PAN3: variants seen among roughly 807,000 people sequenced by gnomAD.
PAN3 encodes poly(A) specific ribonuclease subunit PAN3, also known as PAN2-PAN3 deadenylation complex subunit PAN3.
In PAN3, 19 loss-of-function variants were observed where a neutral mutation model predicts 96.2. That is an observed-to-expected ratio of 0.20 (90% CI 0.14 to 0.29). The LOEUF (loss-of-function observed/expected upper bound fraction) is 0.29, where lower values mean the gene tolerates loss of function less well. PAN3 is among the 10% of genes least tolerant of loss of function. The probability of loss-of-function intolerance (pLI) is 1.00; values close to 1 mark genes in which losing one functional copy is unlikely to be tolerated. For missense variants in PAN3, 882 were observed against 1,108.1 expected (o/e 0.80, Z 2.90); for synonymous variants, 433 against 406.6 (o/e 1.06, Z -0.78).
At chr13:28,143,557 C>T (rs1428799917) in intron 1 of PAN3, among the ~76,000 whole-genome samples, 3 of 152,200 alleles carry the variant, frequency 2.0e-5, no homozygotes, top group East Asian at 1.9e-4. Flanking sequence ...AGAATCCTGG[C>T]TCTTTGACTA....
chr13:28,192,477 A>G (rs377632078), intron 4 of PAN3, among the ~76,000 whole-genome samples: 2 of 152,204 alleles, frequency 1.3e-5, no homozygotes, highest in African/African-American at 4.8e-5. Flanking sequence ...TCATGTCTGT[A>G]TACATAGTTT....
At chr13:28,245,252 T>TA (rs1333909430) in intron 6 of PAN3, among the ~76,000 whole-genome samples, 1 of 152,256 alleles carries the variant, frequency 6.6e-6, no homozygotes, top group African/African-American at 2.4e-5. Context: ...AATGAGTGTT[T>TA]ATTCCCCTTT....
chr13:28,239,950 C>G (rs1883493751), intron 6 of PAN3: 1 of 170,502 alleles, frequency 5.9e-6, no homozygotes, highest in Non-Finnish European at 1.3e-5. Context: ...ACTTATGAAT[C>G]CAAGTTTCTT....
intron 5 of PAN3, among the ~76,000 whole-genome samples, chr13:28,202,703 T>C (rs1026786117): frequency 2.0e-5 from 3 of 152,062 alleles, no homozygotes; most frequent in Admixed American, 6.6e-5. Context: ...ACTTTACTAT[T>C]CCTAGTGTAT....
rs77620405 is a variant in PAN3, at chr13:28,241,967, C to T, written c.1001-14325C>T. 9.8e-3 allele frequency among the ~76,000 whole-genome samples: 1,491 copies of T among 151,468 alleles called. 18 individuals are homozygous for T. Among genetic ancestry groups the T allele is most frequent in the African/African-American group, 0.035 (1,425 of 40,842 alleles). On this transcript the variant is annotated intron_variant, in intron 6 of 18. Coordinates refer to ENST00000380958, the MANE Select transcript of PAN3 (RefSeq NM_175854.8). ...TTATCTTCAATGTAGTTAGACATGA[C>T]AATTTATTATTGAGGATTTAGTTTG...
At chr13:28,251,004 A>C (rs1181380491) in intron 6 of PAN3, among the ~76,000 whole-genome samples, 1 of 151,422 alleles carries the variant, frequency 6.6e-6, no homozygotes, top group Non-Finnish European at 1.5e-5. Flanking sequence ...ATTTCCTCAG[A>C]TCTTTATTTA....
intron 1 of PAN3, among the ~76,000 whole-genome samples, chr13:28,160,481 A>G (rs535239840): frequency 6.6e-6 from 1 of 152,262 alleles, no homozygotes; most frequent in Non-Finnish European, 1.5e-5. Flanking sequence ...GTTTTAAAGT[A>G]CTTGTCACAT....
At chr13:28,167,855 C>A (rs1364206010) in intron 1 of PAN3, among the ~76,000 whole-genome samples, 1 of 151,966 alleles carries the variant, frequency 6.6e-6, no homozygotes, top group East Asian at 1.9e-4. Context: ...ACAAAACAAA[C>A]AAACAAATCT....
In PAN3 at chr13:28,147,078, C is replaced by G. The variant is rs140002744; in HGVS notation, c.430+7991C>G. ...CGTCATACATTTGGTTTGTTATCGA[C>G]CAAAACATTGTTACCAACAAATCAA... On this transcript the variant is annotated intron_variant, in intron 1 of 18. Coordinates refer to ENST00000380958, the MANE Select transcript of PAN3 (RefSeq NM_175854.8). Among the ~76,000 whole-genome samples the G allele has an allele frequency of 6.8e-3, 1,039 of 152,264 alleles. 11 individuals are homozygous for G. The highest frequency in any genetic ancestry group is 0.024 in the African/African-American group (1,003 of 41,562).
chr13:28,288,155 T>G, intron 18 of PAN3, 33 bp downstream of exon 18: 2 of 1,554,448 alleles, frequency 1.3e-6, no homozygotes, highest in Non-Finnish European at 1.7e-6. Flanking sequence ...AAGATCATAA[T>G]TCTGCCTATA....
At chr13:28,190,194 G>A (rs1383083001) in intron 4 of PAN3, among the ~76,000 whole-genome samples, 1 of 152,060 alleles carries the variant, frequency 6.6e-6, no homozygotes, top group Admixed American at 6.5e-5. Flanking sequence ...ATCCGCCCGC[G>A]TCGGCCTCCC....
At chr13:28,213,499 A>T (rs890942159) in intron 5 of PAN3, among the ~76,000 whole-genome samples, 1 of 152,172 alleles carries the variant, frequency 6.6e-6, no homozygotes, top group East Asian at 1.9e-4. Context: ...GCAAAAATGC[A>T]GTCAAATTGA....
chr13:28,173,833 C>A (rs1414190970), intron 1 of PAN3, among the ~76,000 whole-genome samples: 1 of 152,082 alleles, frequency 6.6e-6, no homozygotes, highest in Non-Finnish European at 1.5e-5. Context: ...TTTTTTTCCC[C>A]CTGAATTTTG....
chr13:28,161,553 A>G (rs552136935), intron 1 of PAN3, among the ~76,000 whole-genome samples: 98 of 152,288 alleles, frequency 6.4e-4, no homozygotes, highest in African/African-American at 2.3e-3. Flanking sequence ...ATTCCAAGGT[A>G]CAGGGGATTA....
chr13:28,262,934 TTAG>T (rs1885856721), intron 9 of PAN3, among the ~76,000 whole-genome samples: 1 of 152,188 alleles, frequency 6.6e-6, no homozygotes, highest in Admixed American at 6.5e-5. Flanking sequence ...ATACTGTAGA[TTAG>T]TAGAGGTTAC....
chr13:28,182,313 A>G (rs764955711), intron 4 of PAN3, among the ~76,000 whole-genome samples: 1 of 152,160 alleles, frequency 6.6e-6, no homozygotes, highest in Non-Finnish European at 1.5e-5. Context: ...CTCCTTTTAT[A>G]TCTTTCTGGG....
At chr13:28,270,887 G>T in intron 13 of PAN3, 21 bp downstream of exon 13, 4 of 1,606,818 alleles carry the variant, frequency 2.5e-6, no homozygotes, top group South Asian at 2.2e-5. Flanking sequence ...TTTGAGTTTT[G>T]GTTTCTTTTA....
chr13:28,220,251 C>T lies in PAN3; in HGVS notation c.873C>T (p.Ser291=), dbSNP rs765369590. The T allele has an allele frequency of 3.2e-5, 51 of 1,612,456 alleles. No individual in the cohort carries two copies. Among genetic ancestry groups the T allele is most frequent in the African/African-American group, 4.0e-5 (3 of 74,866 alleles). ...NNLQTPNPTA[S]EFIPKGGSTS... Reference sequence around the variant, plus strand: ...AATAGACACCAAATCCTACTGCAAGCGAGTTTATTCCTAAAGGAGGATCAA... The same window carrying T: ...AATAGACACCAAATCCTACTGCAAGTGAGTTTATTCCTAAAGGAGGATCAA... The change falls in exon 6 of 19, where the codon AGC becomes AGT. Residue 291 remains serine, a synonymous_variant. Transcript: ENST00000380958.
At chr13:28,219,320 T>C (rs1881135131) in intron 5 of PAN3, among the ~76,000 whole-genome samples, 1 of 152,182 alleles carries the variant, frequency 6.6e-6, no homozygotes, top group South Asian at 2.1e-4. Context: ...TTATCACTTT[T>C]TATTTAACTT....
Sources: allele counts gnomAD v4.1 joint callset (sites outside exome capture counted in the v4.1 genomes callset), GRCh38; gene constraint gnomAD v4.1.1; transcripts MANE v1.5; gene names NCBI Gene and HGNC (gene_info 2026-07-23, HGNC 2026-07-21).